Variants in AP3B1 observed in about 807,000 individuals in gnomAD.
The protein encoded by AP3B1 is adaptor related protein complex 3 subunit beta 1.
AP3B1 carries 61 observed loss-of-function variants against 132.5 expected under a neutral mutation model. The observed-to-expected ratio is 0.46, with a 90% CI of 0.37 to 0.57. The LOEUF is 0.57. AP3B1 is among the 20% of genes least tolerant of loss of function. The pLI, the probability that AP3B1 is intolerant of heterozygous loss-of-function variation, is 0.00. For synonymous variants in AP3B1, 388 were observed against 438.3 expected, an observed-to-expected ratio of 0.89 and a Z score of 1.43; for missense variants, 1,120 against 1,289.4, an observed-to-expected ratio of 0.87 and a Z score of 2.01.
At chr5:78,116,526 T>C (rs1751836071) in intron 17 of AP3B1, among the ~76,000 whole-genome samples, 1 of 150,848 alleles carries the variant, frequency 6.6e-6, no homozygotes, top group Non-Finnish European at 1.5e-5. Context: ...AAGTAATATA[T>C]CCTAAAATAG....
intron 25 of AP3B1, among the ~76,000 whole-genome samples, chr5:78,017,534 G>C (rs1289703684): frequency 6.6e-6 from 1 of 151,898 alleles, no homozygotes; most frequent in Admixed American, 6.6e-5. Context: ...GGTAGTTAAG[G>C]GCCAGAAAAT....
At chr5:78,291,677 T>C (rs559796433) in intron 1 of AP3B1, among the ~76,000 whole-genome samples, 5 of 151,932 alleles carry the variant, frequency 3.3e-5, no homozygotes, top group African/African-American at 9.7e-5. Flanking sequence ...GTCAAATTCA[T>C]GAAAGACAAA....
chr5:78,109,928 T>C (rs186765643), intron 20 of AP3B1, among the ~76,000 whole-genome samples: 13 of 152,274 alleles, frequency 8.5e-5, no homozygotes, highest in African/African-American at 2.9e-4. Context: ...CTTTGCTCAA[T>C]ACTATTTTTG....
chr5:78,186,539 C>G (rs1744614170), intron 7 of AP3B1, among the ~76,000 whole-genome samples: 1 of 152,118 alleles, frequency 6.6e-6, no homozygotes, highest in Non-Finnish European at 1.5e-5. Context: ...TGTCAATATC[C>G]TGGTTGTAAT....
intron 7 of AP3B1, among the ~76,000 whole-genome samples, chr5:78,187,025 T>C (rs557386794): frequency 5.9e-5 from 9 of 152,302 alleles, no homozygotes; most frequent in African/African-American, 1.9e-4. Flanking sequence ...TTTCTACTAA[T>C]ACTCATCTTC....
chr5:78,014,956 T>C (rs1382371234), intron 26 of AP3B1, among the ~76,000 whole-genome samples: 1 of 152,166 alleles, frequency 6.6e-6, no homozygotes, highest in East Asian at 1.9e-4. Context: ...ATCTAGCAGC[T>C]CTTTATTTAC....
intron 1 of AP3B1, among the ~76,000 whole-genome samples, chr5:78,271,252 T>C (rs766437132): frequency 7.2e-5 from 11 of 151,946 alleles, no homozygotes; most frequent in Non-Finnish European, 1.2e-4. Context: ...AGAAACCCCA[T>C]CTCTACTAAA....
intron 22 of AP3B1, among the ~76,000 whole-genome samples, chr5:78,073,368 T>C (rs1749626811): frequency 6.6e-6 from 1 of 152,196 alleles, no homozygotes; most frequent in African/African-American, 2.4e-5. Context: ...TTGGCTGACA[T>C]GTAATTAAAT....
At chr5:78,206,243 T>G (rs934413699) in intron 7 of AP3B1, among the ~76,000 whole-genome samples, 1 of 152,168 alleles carries the variant, frequency 6.6e-6, no homozygotes, top group Non-Finnish European at 1.5e-5. Flanking sequence ...GACATCTATT[T>G]TAATGAATTA....
rs535682799 is a variant in AP3B1 at position 78,231,123 on chromosome 5, AAAAGAAAAG to A, written c.280-2893_280-2885del. ...TGACAAAGCAAGACACCATCTGAAA[AAAAGAAAAG>A]AAAGAAAAGAAAATATGTCCTTGAA... On this transcript the variant is annotated intron_variant, in intron 3 of 26. Transcript: ENST00000255194. Among the ~76,000 whole-genome samples, 157 of 152,264 alleles carry A rather than the reference AAAAGAAAAG, an allele frequency of 1.0e-3. 1 individual carries two copies. Among genetic ancestry groups the A allele is most frequent in the African/African-American group, 3.7e-3 (153 of 41,562 alleles).
At chr5:78,090,588 T>G (rs1408181411) in intron 21 of AP3B1, among the ~76,000 whole-genome samples, 1 of 152,268 alleles carries the variant, frequency 6.6e-6, no homozygotes, top group Non-Finnish European at 1.5e-5. Context: ...CAGATATACT[T>G]GAACAAACTT....
chr5:78,212,810 T>C (rs1745798080), intron 7 of AP3B1, among the ~76,000 whole-genome samples: 4 of 152,216 alleles, frequency 2.6e-5, no homozygotes, highest in Admixed American at 2.6e-4. Flanking sequence ...CAAATATAAA[T>C]GCCAAATACT....
At chr5:78,260,815 A>C (rs1459357532) in intron 2 of AP3B1, among the ~76,000 whole-genome samples, 1 of 152,048 alleles carries the variant, frequency 6.6e-6, no homozygotes, top group Non-Finnish European at 1.5e-5. Context: ...TTTTGTCTCT[A>C]TGAGTTTGAT....
intron 4 of AP3B1, among the ~76,000 whole-genome samples, chr5:78,227,820 G>A (rs1009754145): frequency 1.3e-5 from 2 of 152,092 alleles, no homozygotes; most frequent in African/African-American, 2.4e-5. Context: ...AATGCTGCAG[G>A]TCATCAATTT....
At chr5:78,249,486 T>C (rs1747535613) in intron 2 of AP3B1, among the ~76,000 whole-genome samples, 1 of 152,174 alleles carries the variant, frequency 6.6e-6, no homozygotes, top group Non-Finnish European at 1.5e-5. Flanking sequence ...GCTGTTCTAA[T>C]GATGCATACG....
chr5:78,066,317 G>A (rs1304977557), intron 22 of AP3B1, among the ~76,000 whole-genome samples: 1 of 152,180 alleles, frequency 6.6e-6, no homozygotes, highest in Non-Finnish European at 1.5e-5. Flanking sequence ...AGGCTGAGAT[G>A]GATGAACTGA....
intron 17 of AP3B1, among the ~76,000 whole-genome samples, chr5:78,126,165 A>C (rs1277139763): frequency 6.6e-6 from 1 of 151,992 alleles, no homozygotes; most frequent in Non-Finnish European, 1.5e-5. Flanking sequence ...CGTAGGAGGA[A>C]CCATAACAAA....
At chr5:78,131,674 C>A (rs1659950191) in intron 15 of AP3B1, among the ~76,000 whole-genome samples, 1 of 152,020 alleles carries the variant, frequency 6.6e-6, no homozygotes, top group Non-Finnish European at 1.5e-5. Context: ...AAAACAGGTG[C>A]TCCATCAAAA....
At chr5:78,087,011 T>C (rs1321059432) in intron 22 of AP3B1, among the ~76,000 whole-genome samples, 1 of 152,222 alleles carries the variant, frequency 6.6e-6, no homozygotes, top group African/African-American at 2.4e-5. Context: ...TCTGCACATA[T>C]AGTTCTCACA....
Sources: allele counts gnomAD v4.1 joint callset (sites outside exome capture counted in the v4.1 genomes callset), GRCh38; gene constraint gnomAD v4.1.1; transcripts MANE v1.5; gene names NCBI Gene and HGNC (gene_info 2026-07-23, HGNC 2026-07-21).